CDC42BPA: variants seen among roughly 807,000 people sequenced by gnomAD.
CDC42BPA encodes serine/threonine-protein kinase MRCK alpha.
A neutral mutation model predicts 223.5 loss-of-function variants in CDC42BPA; 80 were observed. That is an observed-to-expected ratio of 0.36 (90% confidence interval 0.30 to 0.43). The LOEUF (loss-of-function observed/expected upper bound fraction) is 0.43. CDC42BPA is among the 20% of genes least tolerant of loss of function. The pLI, the probability that CDC42BPA is intolerant of heterozygous loss-of-function variation, is 1.00. For synonymous variants in CDC42BPA, 694 were observed against 718.6 expected (o/e 0.97, Z 0.55); for missense variants, 1,743 against 2,099.9 (o/e 0.83, Z 3.32).
chr1:227,201,773 GTT>G (rs11304692), intron 3 of CDC42BPA, among the ~76,000 whole-genome samples: 71 of 146,546 alleles, frequency 4.8e-4, no homozygotes, highest in Middle Eastern at 7.1e-3. Flanking sequence ...TGCTCTGTAA[GTT>G]TTTTTTTTTT....
intron 23 of CDC42BPA, among the ~76,000 whole-genome samples, chr1:227,040,824 T>C (rs1011927053): frequency 2.6e-5 from 4 of 152,198 alleles, no homozygotes; most frequent in South Asian, 2.1e-4. Flanking sequence ...AAATTTCTTA[T>C]TGAATACACC....
At chr1:227,144,182 G>A (rs1451818452) in intron 8 of CDC42BPA, among the ~76,000 whole-genome samples, 1 of 152,010 alleles carries the variant, frequency 6.6e-6, no homozygotes, top group East Asian at 1.9e-4. Context: ...TAAAAATAAA[G>A]ATTTTGTTAA....
At chr1:227,183,041 T>G (rs745906084) in intron 5 of CDC42BPA, 1 of 152,218 alleles carries the variant, frequency 6.6e-6, no homozygotes, top group Non-Finnish European at 1.5e-5. Context: ...GAGCCATTAC[T>G]GGCTTCTCTC....
At chr1:227,194,930 C>A (rs1670416836) in intron 4 of CDC42BPA, among the ~76,000 whole-genome samples, 1 of 151,426 alleles carries the variant, frequency 6.6e-6, no homozygotes, top group Non-Finnish European at 1.5e-5. Context: ...GTACAAGACA[C>A]ATGAATGCCT....
At chr1:227,193,722 T>A (rs1034717472) in intron 5 of CDC42BPA, 64 bp downstream of exon 5, 1 of 1,224,200 alleles carries the variant, frequency 8.2e-7, no homozygotes. Flanking sequence ...TGGCAAGAAA[T>A]AGGCCTCTGT....
chr1:227,238,853 C>G (rs1679540821), intron 2 of CDC42BPA, among the ~76,000 whole-genome samples: 1 of 152,080 alleles, frequency 6.6e-6, no homozygotes, highest in Non-Finnish European at 1.5e-5. Flanking sequence ...GAGGAAACTA[C>G]AGGGAAATAC....
intron 3 of CDC42BPA, among the ~76,000 whole-genome samples, chr1:227,203,707 A>T (rs1346380424): frequency 6.6e-6 from 1 of 152,220 alleles, no homozygotes; most frequent in Non-Finnish European, 1.5e-5. Context: ...ATGTTCATCC[A>T]AACATTCAGC....
intron 10 of CDC42BPA, among the ~76,000 whole-genome samples, chr1:227,131,247 G>A (rs905188940): frequency 6.6e-6 from 1 of 152,126 alleles, no homozygotes; most frequent in African/African-American, 2.4e-5. Context: ...CTTCTGTCTT[G>A]TGAACCAAAT....
intron 2 of CDC42BPA, among the ~76,000 whole-genome samples, chr1:227,239,757 T>C (rs1314801312): frequency 1.3e-5 from 2 of 152,058 alleles, no homozygotes; most frequent in African/African-American, 2.4e-5. Flanking sequence ...CAGAAGACAA[T>C]ATCTTCAATC....
intron 1 of CDC42BPA, among the ~76,000 whole-genome samples, chr1:227,273,776 T>G (rs1300791286): frequency 6.6e-5 from 10 of 151,002 alleles, no homozygotes; most frequent in African/African-American, 2.4e-4. Context: ...TCGTTCTAAC[T>G]GTGAAATACT....
intron 1 of CDC42BPA, among the ~76,000 whole-genome samples, chr1:227,285,452 C>A (rs1395972860): frequency 6.6e-6 from 1 of 152,194 alleles, no homozygotes; most frequent in Non-Finnish European, 1.5e-5. Context: ...CAAAAATTTA[C>A]ATTATTGGTT....
intron 4 of CDC42BPA, among the ~76,000 whole-genome samples, chr1:227,196,510 T>C (rs1670766475): frequency 6.6e-6 from 1 of 151,938 alleles, no homozygotes; most frequent in Admixed American, 6.5e-5. Context: ...CGGCTAATTT[T>C]TTGTATTTTT....
intron 1 of CDC42BPA, among the ~76,000 whole-genome samples, chr1:227,289,863 G>A (rs1420646465): frequency 7.6e-6 from 1 of 130,792 alleles, no homozygotes; most frequent in East Asian, 2.3e-4. Flanking sequence ...ACCAGCCTGG[G>A]CAACATGGTG....
At chr1:227,076,407 C>T (rs1031693229) in intron 17 of CDC42BPA, among the ~76,000 whole-genome samples, 4 of 152,146 alleles carry the variant, frequency 2.6e-5, no homozygotes, top group Non-Finnish European at 5.9e-5. Flanking sequence ...CTGGCACATG[C>T]CACCACGCCT....
At chr1:227,003,617 T>G (rs1403422553) in intron 35 of CDC42BPA, among the ~76,000 whole-genome samples, 1 of 152,194 alleles carries the variant, frequency 6.6e-6, no homozygotes, top group African/African-American at 2.4e-5. Context: ...TTGAGGTAAG[T>G]AGCCTTTAGC....
In CDC42BPA at chr1:227,028,764, C is replaced by G; in HGVS notation, c.4325G>C (p.Ser1442Thr). 1.2e-6 allele frequency: 2 copies of G among 1,614,148 alleles called. No individual in the cohort carries two copies. The highest frequency in any genetic ancestry group is 1.7e-6 in the Non-Finnish European group (2 of 1,179,978). ...GTTAAAACACAGCAGATATTCTTTA[C>G]TGGAGATCTCAACTGCGCAGATAGC... ...MDAICAVEIS[S>T]KEYLLCFNSI... The change falls in exon 30 of 37, where the codon AGT (serine) becomes ACT (threonine). Residue 1442 changes from serine to threonine, a missense_variant. Around this residue, in one of 6 missense-constraint regions of CDC42BPA, gnomAD observed 678 missense variants for 777.5 expected, o/e 0.87. Transcript: ENST00000366766.
chr1:227,052,125 C>T (rs528815739), intron 21 of CDC42BPA, 140 bp from the exon 22 acceptor site: 15 of 418,732 alleles, frequency 3.6e-5, no homozygotes, highest in African/African-American at 1.6e-4. Context: ...TGAATATTCA[C>T]GTTAGGGATA....
intron 11 of CDC42BPA, among the ~76,000 whole-genome samples, chr1:227,127,028 A>G (rs1444693919): frequency 6.6e-6 from 1 of 152,182 alleles, no homozygotes; most frequent in Non-Finnish European, 1.5e-5. Flanking sequence ...CAAAGAATCT[A>G]TTTTTTAAAA....
Position 227,043,411 on chromosome 1 carries a change from CAA to C in CDC42BPA, c.3094-3177_3094-3176del, listed in dbSNP as rs66612393. The stretch of plus-strand genomic sequence containing the variant: ...CTGGCGACAAAACGAGACTTCGTCT[CAA>C]AAAAAAAAAAAAAAAAATTTAATTT... On this transcript the variant is annotated intron_variant, in intron 23 of 36. Transcript: ENST00000366766. Among the ~76,000 whole-genome samples, 816 of 120,988 alleles carry C rather than the reference CAA, an allele frequency of 6.7e-3. 2 individuals carry two copies. The highest frequency in any genetic ancestry group is 0.016 in the African/African-American group (527 of 32,018). 79.4% of individuals were successfully genotyped at this position (120,988 alleles called of 152,430 possible).
Sources: allele counts gnomAD v4.1 joint callset (sites outside exome capture counted in the v4.1 genomes callset), GRCh38; gene constraint gnomAD v4.1.1; regional missense constraint gnomAD v4.1.1; transcripts MANE v1.5; gene names NCBI Gene and HGNC (gene_info 2026-07-23, HGNC 2026-07-21).